CCDC88A: variants seen among roughly 807,000 people sequenced by gnomAD.
The protein encoded by CCDC88A is girdin.
CCDC88A carries 54 observed loss-of-function variants against 234.3 expected under a neutral mutation model. That is an observed-to-expected ratio of 0.23 (90% CI 0.19 to 0.29). CCDC88A has a LOEUF of 0.29. CCDC88A is among the 10% of genes least tolerant of loss of function. The pLI is 1.00. For synonymous variants in CCDC88A, 753 were observed against 737.8 expected (o/e 1.02, Z -0.33); for missense variants, 1,832 against 2,123.4 (o/e 0.86, Z 2.70).
chr2:55,295,458 C>A, intron 31 of CCDC88A, 139 bp downstream of exon 31: 1 of 1,564,098 alleles, frequency 6.4e-7, no homozygotes, highest in Non-Finnish European at 8.7e-7. Context: ...AAAATGTGAC[C>A]TTCCTGTTCT....
At chr2:55,331,713 T>A (rs1684933808) in intron 16 of CCDC88A, 1 of 152,144 alleles carries the variant, frequency 6.6e-6, no homozygotes, top group African/African-American at 2.4e-5. Flanking sequence ...GAATACATAT[T>A]TTTTTAAACC....
At chr2:55,301,111 G>C in intron 28 of CCDC88A, 95 bp downstream of exon 28, 1 of 720,654 alleles carries the variant, frequency 1.4e-6, no homozygotes, top group Non-Finnish European at 2.4e-6. Context: ...AAACATGCTT[G>C]CTGGCAATGA....
At chr2:55,298,132 C>T (rs1311658892) in intron 29 of CCDC88A, among the ~76,000 whole-genome samples, 4 of 152,068 alleles carry the variant, frequency 2.6e-5, no homozygotes, top group South Asian at 2.1e-4. Context: ...CTTAAGAGTA[C>T]GGATTTGTTT....
At chr2:55,389,173 C>T (rs1011968993) in intron 2 of CCDC88A, among the ~76,000 whole-genome samples, 1 of 152,174 alleles carries the variant, frequency 6.6e-6, no homozygotes, top group Non-Finnish European at 1.5e-5. Flanking sequence ...GGATGAATAA[C>T]TTACTATTTC....
chr2:55,324,774 T>C (rs757181322), intron 17 of CCDC88A, among the ~76,000 whole-genome samples: 1 of 152,092 alleles, frequency 6.6e-6, no homozygotes, highest in South Asian at 2.1e-4. Flanking sequence ...GTCTCCTGAG[T>C]AGCTGGGACT....
At chr2:55,298,521 G>A (rs1260521493) in intron 29 of CCDC88A, among the ~76,000 whole-genome samples, 3 of 152,068 alleles carry the variant, frequency 2.0e-5, no homozygotes, top group African/African-American at 7.2e-5. Context: ...AATTACAACT[G>A]AGACAAAATA....
chr2:55,314,790 CAG>C (rs1293691981), intron 22 of CCDC88A: 1 of 152,210 alleles, frequency 6.6e-6, no homozygotes, highest in Non-Finnish European at 1.5e-5. Context: ...GATCAAGAAA[CAG>C]AACATTAATT....
chr2:55,373,195 GA>G (rs1156906432), intron 4 of CCDC88A, among the ~76,000 whole-genome samples: 1 of 152,132 alleles, frequency 6.6e-6, no homozygotes. Context: ...ATCTGTCTAT[GA>G]AAAAGTCCAA....
chr2:55,348,128 T>G (rs1404522969), intron 9 of CCDC88A, among the ~76,000 whole-genome samples: 3 of 152,118 alleles, frequency 2.0e-5, no homozygotes, highest in Non-Finnish European at 1.5e-5. Context: ...TACGTGCAGC[T>G]AATTTTTTCA....
At chr2:55,341,196 A>G (rs1448559698) in intron 12 of CCDC88A, among the ~76,000 whole-genome samples, 1 of 129,142 alleles carries the variant, frequency 7.7e-6, no homozygotes, top group African/African-American at 3.0e-5. Context: ...CCCAGGCTGG[A>G]GTGCAGTGGC....
intron 3 of CCDC88A, among the ~76,000 whole-genome samples, chr2:55,381,362 A>G (rs1674563363): frequency 6.6e-6 from 1 of 152,032 alleles, no homozygotes; most frequent in Non-Finnish European, 1.5e-5. Context: ...GAACGAGGCA[A>G]CATGGCAAAA....
At chr2:55,339,689 T>G in intron 12 of CCDC88A, 41 bp from the exon 13 acceptor site, 1 of 1,536,020 alleles carries the variant, frequency 6.5e-7, no homozygotes. Context: ...TACTCTTTAC[T>G]GTTTTTACTA....
Position 55,308,584 on chromosome 2 carries a change from C to G in CCDC88A, c.4387+225G>C, listed in dbSNP as rs570763018. On this transcript the variant is annotated intron_variant, in intron 25 of 32. Coordinates refer to ENST00000436346, the MANE Select transcript of CCDC88A (RefSeq NM_001365480.1). ...TCCAGCTCTTATTTTAACTTTCTTT[C>G]TGCAATATTTTACCCCTCTGGCCAA... 3 of 454,298 alleles carry G rather than the reference C, an allele frequency of 6.6e-6. No homozygotes were observed. In the East Asian group the frequency reaches 1.1e-4, roughly 17 times the overall value. 28.1% of individuals were successfully genotyped at this position (454,298 alleles called of 1,614,324 possible). A position where few individuals can be genotyped will look rare whatever the true frequency, so the allele number is the denominator to read the frequency against.
In CCDC88A at chr2:55,384,760, A is replaced by C. The variant is rs184231367; in HGVS notation, c.273+4018T>G. 3.0e-4 allele frequency among the ~76,000 whole-genome samples: 45 copies of C among 150,878 alleles called. No individual in the cohort carries two copies. The South Asian group carries it at 4.0e-3, about 13-fold the overall frequency. ...TAACTTCTACCTCTCTGGTTCAAGC[A>C]ATTCGTGCGCCTCAGCCTCCCAAGT... On this transcript the variant is annotated intron_variant, in intron 3 of 32. Coordinates refer to ENST00000436346, the MANE Select transcript of CCDC88A (RefSeq NM_001365480.1).
Position 55,334,846 on chromosome 2 carries a change from C to T in CCDC88A, c.1975G>A (p.Glu659Lys), listed in dbSNP as rs982383811. Residue 659 changes from glutamate to lysine, a missense_variant, in exon 15 of 33, where the codon GAG becomes AAG. Transcript: ENST00000436346. This position sits in a 1 kb window ranked among gnomAD's most constrained non-coding sequence, Gnocchi z 6.1. ...TCTGAATTTTCTTGTTCTAAGGCCT[C>T]AATTTTTTCACAAGTAATTTTTAAA... ...TNLKITCEKI[E>K]ALEQENSELE... 38 of 1,539,082 alleles carry T rather than the reference C, an allele frequency of 2.5e-5. No individual in the cohort carries two copies. The East Asian group carries it at 8.4e-4, about 34-fold the overall frequency.
chr2:55,339,635 G>T lies in CCDC88A; in HGVS notation c.1347C>A (p.Ser449=). ...TCAACTCATTCACCTCATGGCCCAG[G>T]GATTTCTGGGGTGCTATAATATTGA... ...TSELSEAPQK[S]LGHEVNELTS... is the part of the protein sequence containing the mutation. The change falls in exon 13 of 33, where the codon TCC becomes TCA. Residue 449 remains serine, a synonymous_variant. Coordinates refer to ENST00000436346, the MANE Select transcript of CCDC88A (RefSeq NM_001365480.1). The T allele has an allele frequency of 6.2e-7, 1 of 1,601,884 alleles. No homozygotes were observed. Among genetic ancestry groups the T allele is most frequent in the South Asian group, 1.1e-5 (1 of 88,236 alleles).
At chr2:55,336,171 G>C (rs556995057) in intron 14 of CCDC88A, among the ~76,000 whole-genome samples, 1 of 152,260 alleles carries the variant, frequency 6.6e-6, no homozygotes, top group South Asian at 2.1e-4. Context: ...TCCAGCATGA[G>C]TGACAGAGCT....
intron 11 of CCDC88A, chr2:55,344,106 A>G (rs1668818132): frequency 2.8e-6 from 1 of 361,294 alleles, no homozygotes; most frequent in African/African-American, 2.1e-5. Flanking sequence ...GTATTTTTAA[A>G]GACATGTTTA....
chr2:55,296,260 G>C lies in CCDC88A; in HGVS notation c.5089C>G (p.Gln1697Glu). 6.2e-7 allele frequency: 1 copy of C among 1,613,390 alleles called. No individual in the cohort carries two copies. The highest frequency in any genetic ancestry group is 1.7e-5 in the Admixed American group (1 of 59,974). Reference protein sequence around the residue: ...LEESNKLTSVQIKSSSQENLL... With the variant: ...LEESNKLTSVEIKSSSQENLL... ...AGGTCATCATAGATAAAACTAACCT[G>C]TACTGAGGTAAGCTTATTGCTTTCT... The change falls in exon 30 of 33, where the codon CAG becomes GAG. Residue 1697 changes from glutamine to glutamate, a missense_variant and splice_region_variant. Coordinates refer to ENST00000436346, the MANE Select transcript of CCDC88A (RefSeq NM_001365480.1).
Sources: allele counts gnomAD v4.1 joint callset (sites outside exome capture counted in the v4.1 genomes callset), GRCh38; gene constraint gnomAD v4.1.1; non-coding constraint Gnocchi (gnomAD v3.1); transcripts MANE v1.5; gene names NCBI Gene and HGNC (gene_info 2026-07-23, HGNC 2026-07-21).